Variants in ADCYAP1 observed in about 807,000 individuals in gnomAD.
The protein encoded by ADCYAP1 is adenylate cyclase activating polypeptide 1, also known as pituitary adenylate cyclase-activating polypeptide.
ADCYAP1 carries 6 observed loss-of-function variants against 18.5 expected under a neutral mutation model. The observed-to-expected ratio is 0.32, with a 90% CI of 0.18 to 0.64. The LOEUF (loss-of-function observed/expected upper bound fraction) is 0.64, where lower values mean the gene tolerates loss of function less well. Among genes scored for constraint, ADCYAP1 ranks in the 30% least tolerant of loss-of-function variants. The pLI, the probability that ADCYAP1 is intolerant of heterozygous loss-of-function variation, is 0.77. For synonymous variants in ADCYAP1, 136 were observed against 113.9 expected, an observed-to-expected ratio of 1.19 and a Z score of -1.24; for missense variants, 314 against 253.6, an observed-to-expected ratio of 1.24 and a Z score of -1.62.
In ADCYAP1 at chr18:907,905, C is replaced by CA. The variant is rs1246162233; in HGVS notation, c.242+117dup. On this transcript the variant is annotated intron_variant, in intron 3 of 4. Transcript: ENST00000450565. ...TTTTTTTTTTTCCCGTGAAAGTCCT[C>CA]AAGCCTGTCCTCTCCCTGGCCCGAT... The CA allele has an allele frequency of 8.0e-6, 11 of 1,367,358 alleles. No individual in the cohort carries two copies. In the African/African-American group the frequency reaches 1.6e-4, roughly 19 times the overall value. 84.7% of individuals were successfully genotyped at this position (1,367,358 alleles called of 1,614,324 possible).
chr18:911,602 G>C lies in ADCYAP1; in HGVS notation c.*1967G>C, dbSNP rs549024803. Reference sequence around the variant, plus strand: ...GCAAATAGTGAAAACAGAGGCATTCGGTCTATGCCTGAGTCCTGTGTATAG... The same window carrying C: ...GCAAATAGTGAAAACAGAGGCATTCCGTCTATGCCTGAGTCCTGTGTATAG... On this transcript the variant is annotated 3_prime_UTR_variant, in exon 5 of 5. Transcript: ENST00000450565. The C allele has an allele frequency of 6.6e-6, 1 of 152,122 alleles. No individual in the cohort carries two copies. Among genetic ancestry groups the C allele is most frequent in the Non-Finnish European group, 1.5e-5 (1 of 68,022 alleles). The allele number at this position is 152,122 out of a possible 1,614,324, so 9.4% of individuals were successfully genotyped here.
At chr18:905,792 T>C in intron 2 of ADCYAP1, 1 of 482,830 alleles carries the variant, frequency 2.1e-6, no homozygotes, top group Non-Finnish European at 3.7e-6. Flanking sequence ...GCCCACAGGA[T>C]GGGGGCAGGG....
At chr18:908,443 T>G (rs1598984841) in intron 4 of ADCYAP1, 80 bp downstream of exon 4, 1 of 1,251,704 alleles carries the variant, frequency 8.0e-7, no homozygotes, top group Non-Finnish European at 1.1e-6. Context: ...CGGCGGTGGG[T>G]GCCCGTGGGG....
chr18:911,768 T>G lies in ADCYAP1; in HGVS notation c.*2133T>G, dbSNP rs1350561119. 6.6e-6 allele frequency: 1 copy of G among 152,254 alleles called. No homozygotes were observed. Among genetic ancestry groups the G allele is most frequent in the African/African-American group, 2.4e-5 (1 of 41,468 alleles). The allele number at this position is 152,254 out of a possible 1,614,324, so 9.4% of individuals were successfully genotyped here. A position where few individuals can be genotyped will look rare whatever the true frequency, so the allele number is the denominator to read the frequency against. On this transcript the variant is annotated 3_prime_UTR_variant, in exon 5 of 5. Transcript: ENST00000450565. ...AGTGGCCCTACAATGCTGCAACACA[T>G]CAGCTTGCATTTTAGTCTTAATTAT...
upstream of ADCYAP1, chr18:904,468 A>T: frequency 7.8e-7 from 1 of 1,289,108 alleles, no homozygotes; most frequent in South Asian, 1.2e-5. Context: ...GCTCTCCAAA[A>T]ACCATGTTCG....
At chr18:906,513 T>G (rs1043296358) in intron 2 of ADCYAP1, 1 of 152,348 alleles carries the variant, frequency 6.6e-6, no homozygotes, top group Admixed American at 6.5e-5. Flanking sequence ...TTCCAGCATC[T>G]GGGCTCGAGG....
chr18:909,556 A>G lies in ADCYAP1; in HGVS notation c.452A>G (p.Lys151Arg). The change falls in exon 5 of 5, where the codon AAG (lysine) becomes AGG (arginine). Residue 151 changes from lysine (K) to arginine (R), a missense_variant. Physicochemically the swap from Lys to Arg is conservative, Grantham distance 26. Transcript: ENST00000450565. ...YSRYRKQMAV[K>R]KYLAAVLGKR... ...CGCTACCGGAAACAAATGGCTGTCAAGAAATACTTGGCGGCCGTCCTAGGG... is the reference window on the plus strand; with the variant it reads ...CGCTACCGGAAACAAATGGCTGTCAGGAAATACTTGGCGGCCGTCCTAGGG... The G allele has an allele frequency of 1.2e-6, 2 of 1,614,206 alleles. No homozygotes were observed. Among genetic ancestry groups the G allele is most frequent in the East Asian group, 2.2e-5 (1 of 44,874 alleles).
At chr18:907,538 A>G (rs1225784441) in intron 2 of ADCYAP1, 121 bp from the exon 3 acceptor site, 3 of 1,068,932 alleles carry the variant, frequency 2.8e-6, no homozygotes, top group Non-Finnish European at 2.6e-6. Flanking sequence ...GAGAAGAGAC[A>G]ATTCTCAGCG....
At position 904,891 on chromosome 18, in the gene ADCYAP1, C is replaced by A. The variant is rs1016709817; in HGVS notation, c.-171C>A. 1.6e-6 allele frequency: 2 copies of A among 1,288,614 alleles called. No individual in the cohort carries two copies. The highest frequency in any genetic ancestry group is 5.6e-5 in the East Asian group (1 of 18,004). 79.8% of individuals were successfully genotyped at this position (1,288,614 alleles called of 1,614,324 possible). A position where few individuals can be genotyped will look rare whatever the true frequency, so the allele number is the denominator to read the frequency against. On this transcript the variant is annotated 5_prime_UTR_variant, in exon 1 of 5. Transcript: ENST00000450565. ...TGAGCAGAACACGAGCCTCGGCAAACGAGTCCCGCAGCTCCTCCTGCTGCT... is the reference window on the plus strand; with the variant it reads ...TGAGCAGAACACGAGCCTCGGCAAAAGAGTCCCGCAGCTCCTCCTGCTGCT...
intron 3 of ADCYAP1, chr18:907,992 G>C (rs1391345011): frequency 9.9e-7 from 1 of 1,009,826 alleles, no homozygotes; most frequent in Non-Finnish European, 1.4e-6. Context: ...GGCCGCGTGG[G>C]GACCGAGGGG....
intron 1 of ADCYAP1, 94 bp downstream of exon 1, chr18:905,154 C>T (rs1909112770): frequency 7.2e-7 from 1 of 1,397,608 alleles, no homozygotes; most frequent in African/African-American, 1.5e-5. Context: ...TTTCCTTCAG[C>T]CGGGTCTGGC....
At chr18:908,398 C>T (rs757266670) in intron 4 of ADCYAP1, 35 bp downstream of exon 4, 4 of 1,578,812 alleles carry the variant, frequency 2.5e-6, no homozygotes, top group Middle Eastern at 1.8e-4. Context: ...CTGCGCGCGC[C>T]GGGGTGGGTG....
chr18:904,733 C>A, upstream of ADCYAP1: 1 of 1,242,730 alleles, frequency 8.0e-7, no homozygotes, highest in South Asian at 1.4e-5. Flanking sequence ...CTTCTTCCTC[C>A]GGGTGGACTT....
intron 2 of ADCYAP1, chr18:907,451 G>A: frequency 2.0e-6 from 1 of 490,680 alleles, no homozygotes; most frequent in Non-Finnish European, 3.5e-6. Flanking sequence ...AGGGGGGGTG[G>A]GCGGGCCGCC....
At chr18:905,126 C>G in intron 1 of ADCYAP1, 66 bp downstream of exon 1, 3 of 1,369,884 alleles carry the variant, frequency 2.2e-6, no homozygotes, top group Non-Finnish European at 2.8e-6. Context: ...CGCTTGGCAT[C>G]GCGTCAGGGG....
rs1271632450 is a variant in ADCYAP1, at chr18:905,554, C to T, written c.110+58C>T. On this transcript the variant is annotated intron_variant, in intron 2 of 4. Coordinates refer to ENST00000450565, the MANE Select transcript of ADCYAP1 (RefSeq NM_001099733.2). Reference sequence around the variant, plus strand: ...TGGGGCTTCCCAGGCACAGACGCTTCCTCACGGTCTCCTTCCTGCAGTCCT... The same window carrying T: ...TGGGGCTTCCCAGGCACAGACGCTTTCTCACGGTCTCCTTCCTGCAGTCCT... 4.4e-6 allele frequency: 7 copies of T among 1,580,776 alleles called. No individual in the cohort carries two copies. The African/African-American group carries it at 6.7e-5, about 15-fold the overall frequency.
At chr18:904,473 T>C, upstream of ADCYAP1, 9 of 1,289,130 alleles carry the variant, frequency 7.0e-6, no homozygotes, top group Non-Finnish European at 9.1e-6. Context: ...CCAAAAACCA[T>C]GTTCGGATAG....
At chr18:904,718 G>A (rs568421103), upstream of ADCYAP1, 563 of 1,231,312 alleles carry the variant, frequency 4.6e-4, 4 homozygotes, top group Admixed American at 0.015. Context: ...TCCCTTAATC[G>A]CCTGCTTCTT....
Position 909,644 on chromosome 18 carries a change from T to C in ADCYAP1, c.*9T>C. On this transcript the variant is annotated 3_prime_UTR_variant, in exon 5 of 5. Coordinates refer to ENST00000450565, the MANE Select transcript of ADCYAP1 (RefSeq NM_001099733.2). ...GAATAGCTTATTTGTAGCGATGGGT[T>C]ACCAGCTACCCTGTGTATACAGCCC... 1 of 1,612,384 alleles carries C rather than the reference T, an allele frequency of 6.2e-7. No individual in the cohort carries two copies. Among genetic ancestry groups the C allele is most frequent in the Non-Finnish European group, 8.5e-7 (1 of 1,178,820 alleles).
Sources: gnomAD v4.1 joint callset for allele counts on GRCh38, gnomAD v4.1.1 for gene constraint, MANE v1.5 for transcripts, NCBI Gene and HGNC (gene_info 2026-07-23, HGNC 2026-07-21) for gene names.